Variants in PDE4B observed in about 807,000 individuals in gnomAD.
PDE4B encodes the protein 3',5'-cyclic-AMP phosphodiesterase 4B.
In PDE4B, 20 loss-of-function variants were observed where a neutral mutation model predicts 82.2. That is an observed-to-expected ratio of 0.24 (90% CI 0.17 to 0.35). The LOEUF is 0.35. PDE4B is among the 10% of genes least tolerant of loss of function. The pLI, the probability that PDE4B is intolerant of heterozygous loss-of-function variation, is 1.00. For missense variants in PDE4B, 655 were observed against 907.2 expected (o/e 0.72, Z 3.57); for synonymous variants, 320 against 318.9 (o/e 1.00, Z -0.04).
chr1:66,319,375 T>C (rs2101887404), intron 7 of PDE4B, among the ~76,000 whole-genome samples: 1 of 152,366 alleles, frequency 6.6e-6, no homozygotes, highest in East Asian at 1.9e-4. Context: ...AATTGAGGGA[T>C]AAATAACCCT....
intron 1 of PDE4B, among the ~76,000 whole-genome samples, chr1:65,855,436 C>A (rs1158629050): frequency 6.6e-6 from 1 of 152,014 alleles, no homozygotes; most frequent in Non-Finnish European, 1.5e-5. Flanking sequence ...TCGAGTAGCC[C>A]TTTTTCTAGA....
chr1:66,155,268 C>A (rs1397437504), intron 3 of PDE4B, among the ~76,000 whole-genome samples: 1 of 151,998 alleles, frequency 6.6e-6, no homozygotes, highest in Non-Finnish European at 1.5e-5. Context: ...TCCACAGACT[C>A]ATTCCATTTT....
intron 3 of PDE4B, among the ~76,000 whole-genome samples, chr1:66,168,512 A>G (rs1646778876): frequency 6.6e-6 from 1 of 152,194 alleles, no homozygotes; most frequent in African/African-American, 2.4e-5. Context: ...GAAAAATTCC[A>G]GAGGCAGGAG....
chr1:66,189,927 C>T (rs1647604311), intron 3 of PDE4B, among the ~76,000 whole-genome samples: 1 of 152,108 alleles, frequency 6.6e-6, no homozygotes, highest in Non-Finnish European at 1.5e-5. Context: ...TTAGAGTTTC[C>T]AGTTTTTCTG....
intron 7 of PDE4B, among the ~76,000 whole-genome samples, chr1:66,322,621 C>T (rs749895157): frequency 2.6e-5 from 4 of 151,894 alleles, no homozygotes; most frequent in Admixed American, 6.6e-5. Flanking sequence ...TACCATCTCA[C>T]GCCAGTTAGA....
intron 3 of PDE4B, among the ~76,000 whole-genome samples, chr1:66,041,775 A>G (rs1036141230): frequency 2.6e-4 from 39 of 149,762 alleles, no homozygotes; most frequent in Non-Finnish European, 5.3e-4. Flanking sequence ...AGGAGGAAGA[A>G]TCTATTTTAC....
intron 7 of PDE4B, among the ~76,000 whole-genome samples, chr1:66,321,315 C>T (rs900943211): frequency 6.6e-6 from 1 of 152,156 alleles, no homozygotes; most frequent in East Asian, 1.9e-4. Flanking sequence ...AATTCCACCA[C>T]CTTAGAGGCC....
intron 6 of PDE4B, among the ~76,000 whole-genome samples, chr1:66,263,022 A>G (rs1335305321): frequency 6.6e-6 from 1 of 152,198 alleles, no homozygotes; most frequent in African/African-American, 2.4e-5. Context: ...TGTAAGATAA[A>G]ATTATTAAAA....
chr1:66,122,511 A>G (rs189542865), intron 3 of PDE4B, among the ~76,000 whole-genome samples: 3 of 152,278 alleles, frequency 2.0e-5, no homozygotes, highest in South Asian at 4.1e-4. Context: ...TGTTAAATGT[A>G]TTATTGGACT....
chr1:66,323,496 A>T (rs1294930373), intron 7 of PDE4B, among the ~76,000 whole-genome samples: 1 of 152,156 alleles, frequency 6.6e-6, no homozygotes, highest in African/African-American at 2.4e-5. Context: ...AAAACCTAAT[A>T]TTCAGCACTA....
At chr1:65,913,193 TTTCTTTAAGGATACAGAGCTG>T in intron 1 of PDE4B, 31 bp from the exon 2 acceptor site, 1 of 711,972 alleles carries the variant, frequency 1.4e-6, no homozygotes, top group Non-Finnish European at 2.4e-6. Flanking sequence ...GCCACATATT[TTTCTTTAAGGATACAGAGCTG>T]TTCTTTTTTG....
chr1:65,954,728 A>G (rs1431787581), intron 3 of PDE4B, among the ~76,000 whole-genome samples: 1 of 152,112 alleles, frequency 6.6e-6, no homozygotes, highest in Non-Finnish European at 1.5e-5. Flanking sequence ...TTCTCTCACT[A>G]CATTTGATAC....
chr1:66,077,280 T>C (rs139360925), intron 3 of PDE4B, among the ~76,000 whole-genome samples: 1 of 152,296 alleles, frequency 6.6e-6, no homozygotes, highest in East Asian at 1.9e-4. Flanking sequence ...TACAATACAA[T>C]AAAATCAATA....
chr1:66,033,419 C>T (rs1653898622), intron 3 of PDE4B, among the ~76,000 whole-genome samples: 1 of 152,166 alleles, frequency 6.6e-6, no homozygotes, highest in African/African-American at 2.4e-5. Context: ...TCTACATGTT[C>T]ATCCTGCCAT....
intron 3 of PDE4B, among the ~76,000 whole-genome samples, chr1:66,006,763 T>C (rs896791723): frequency 1.3e-5 from 2 of 152,148 alleles, no homozygotes; most frequent in African/African-American, 4.8e-5. Context: ...TGCTCTGCTC[T>C]GCACTTTTCC....
intron 1 of PDE4B, among the ~76,000 whole-genome samples, chr1:65,881,973 A>G (rs1646713977): frequency 6.6e-6 from 1 of 152,212 alleles, no homozygotes; most frequent in Non-Finnish European, 1.5e-5. Flanking sequence ...TTCTTCAACA[A>G]TTAAAAGGAA....
intron 3 of PDE4B, among the ~76,000 whole-genome samples, chr1:65,925,301 A>G (rs1647436565): frequency 2.0e-5 from 3 of 152,196 alleles, no homozygotes; most frequent in Admixed American, 6.5e-5. Context: ...ACAAACCTGC[A>G]CATCCTGCAC....
intron 3 of PDE4B, among the ~76,000 whole-genome samples, chr1:66,043,607 T>C (rs566168081): frequency 6.6e-6 from 1 of 151,860 alleles, no homozygotes; most frequent in South Asian, 2.1e-4. Flanking sequence ...CTTTTATTTT[T>C]CCTAAAAATC....
intron 1 of PDE4B, among the ~76,000 whole-genome samples, chr1:65,834,490 T>C (rs1025919932): frequency 6.6e-6 from 1 of 152,168 alleles, no homozygotes; most frequent in Non-Finnish European, 1.5e-5. Flanking sequence ...AAGGTTCACG[T>C]CTATATGCAA....
Sources: gnomAD v4.1 joint callset for allele counts (sites outside exome capture counted in the v4.1 genomes callset) on GRCh38, gnomAD v4.1.1 for gene constraint, MANE v1.5 for transcripts, NCBI Gene and HGNC (gene_info 2026-07-23, HGNC 2026-07-21) for gene names.